The following SOAT1 variants were observed in gnomAD, a reference collection of about 807,000 sequenced individuals.
SOAT1 encodes acyl-coenzyme A:cholesterol acyltransferase 1.
In SOAT1, 55 loss-of-function variants were observed where a neutral mutation model predicts 69.5. The ratio of observed to expected loss-of-function variants is 0.79; its 90% CI spans 0.64 to 0.99. The LOEUF is 0.99. SOAT1 is among the 50% of genes least tolerant of loss of function. The pLI is 0.00. For synonymous variants in SOAT1, 231 were observed against 224.7 expected (o/e 1.03, Z -0.25); for missense variants, 580 against 669.3 (o/e 0.87, Z 1.47).
intron 2 of SOAT1, among the ~76,000 whole-genome samples, chr1:179,306,517 G>C (rs1318426021): frequency 6.6e-6 from 1 of 152,132 alleles, no homozygotes; most frequent in African/African-American, 2.4e-5. Flanking sequence ...TTGTTAATGA[G>C]GGTTCCAGAA....
intron 2 of SOAT1, among the ~76,000 whole-genome samples, chr1:179,321,596 G>A (rs1217260743): frequency 1.3e-5 from 2 of 152,154 alleles, no homozygotes; most frequent in African/African-American, 2.4e-5. Context: ...CATCTCTAGC[G>A]CAGCTGTGGT....
chr1:179,299,128 C>T (rs766263074), intron 1 of SOAT1, among the ~76,000 whole-genome samples: 3 of 151,978 alleles, frequency 2.0e-5, no homozygotes, highest in South Asian at 2.1e-4. Context: ...GTAGTGGGAC[C>T]GCAGAGAGGA....
Position 179,293,809 on chromosome 1 carries a change from C to G in SOAT1, c.-136C>G, listed in dbSNP as rs928249533. 3 of 152,454 alleles carry G rather than the reference C, an allele frequency of 2.0e-5. No individual in the cohort carries two copies. Among genetic ancestry groups the G allele is most frequent in the Non-Finnish European group, 2.9e-5 (2 of 68,214 alleles). 9.4% of individuals were successfully genotyped at this position (152,454 alleles called of 1,614,324 possible). On this transcript the variant is annotated 5_prime_UTR_variant, in exon 1 of 16. Transcript: ENST00000367619. ...CGGGCTGTCCGGCGCTTTAGCTTAGCAGGCGACGTTGCGGGCCCTGGGCGC... is the reference window on the plus strand; with the variant it reads ...CGGGCTGTCCGGCGCTTTAGCTTAGGAGGCGACGTTGCGGGCCCTGGGCGC...
At position 179,355,299 on chromosome 1, in the gene SOAT1, G is replaced by A. The variant is rs931568251; in HGVS notation, c.*1658G>A. The A allele has an allele frequency of 3.9e-5, 6 of 152,170 alleles. No homozygotes were observed. The highest frequency in any genetic ancestry group is 2.1e-4 in the South Asian group (1 of 4,818). 9.4% of individuals were successfully genotyped at this position (152,170 alleles called of 1,614,324 possible). A position where few individuals can be genotyped will look rare whatever the true frequency, so the allele number is the denominator to read the frequency against. On this transcript the variant is annotated 3_prime_UTR_variant, in exon 16 of 16. Coordinates refer to ENST00000367619, the MANE Select transcript of SOAT1 (RefSeq NM_003101.6). ...TTGACATTTTTCTTAAAATTAAAACGAATTTTTATTTTGAATTTATAACTG... is the reference window on the plus strand; with the variant it reads ...TTGACATTTTTCTTAAAATTAAAACAAATTTTTATTTTGAATTTATAACTG...
At chr1:179,322,376 TTTTTTTTC>T (rs925618250) in intron 2 of SOAT1, among the ~76,000 whole-genome samples, 17 of 151,770 alleles carry the variant, frequency 1.1e-4, no homozygotes, top group South Asian at 2.1e-4. Flanking sequence ...ACTATTCTCC[TTTTTTTTC>T]TTTTTTTCTT....
chr1:179,315,235 A>G (rs1367159984), intron 2 of SOAT1, among the ~76,000 whole-genome samples: 2 of 152,228 alleles, frequency 1.3e-5, no homozygotes, highest in African/African-American at 2.4e-5. Flanking sequence ...GCTGGAGGCC[A>G]GGAGTTCAAG....
chr1:179,346,084 T>A (rs1193278101), intron 11 of SOAT1, among the ~76,000 whole-genome samples: 1 of 152,176 alleles, frequency 6.6e-6, no homozygotes, highest in African/African-American at 2.4e-5. Context: ...ATGTTTTCTG[T>A]CATCACCTTC....
At chr1:179,305,630 A>G (rs1194487871) in intron 2 of SOAT1, among the ~76,000 whole-genome samples, 3 of 152,140 alleles carry the variant, frequency 2.0e-5, no homozygotes, top group African/African-American at 7.2e-5. Context: ...TGGTAAATGT[A>G]TGTTTAACTT....
At chr1:179,348,665 C>T (rs1268761727) in intron 12 of SOAT1, among the ~76,000 whole-genome samples, 179 bp from the exon 13 acceptor site, 1 of 152,088 alleles carries the variant, frequency 6.6e-6, no homozygotes, top group Non-Finnish European at 1.5e-5. Flanking sequence ...ATTTTTCTGT[C>T]ACCAGTGTAT....
rs368646369 is a variant in SOAT1, at chr1:179,300,242, GTCTT to G, written c.-8-2429_-8-2426del. Among the ~76,000 whole-genome samples, 21 of 151,288 alleles carry G rather than the reference GTCTT, an allele frequency of 1.4e-4. No individual in the cohort carries two copies. In the East Asian group the frequency reaches 2.1e-3, roughly 15 times the overall value. On this transcript the variant is annotated intron_variant, in intron 1 of 15. Transcript: ENST00000367619. ...ACTGAAACATCTTGGTTCCTTTTGT[GTCTT>G]TCTTTTTCTTCCCTGATTTCCTCTA...
chr1:179,326,229 C>T (rs1415452509), intron 3 of SOAT1, among the ~76,000 whole-genome samples: 3 of 152,212 alleles, frequency 2.0e-5, no homozygotes, highest in Non-Finnish European at 4.4e-5. Context: ...GTAGCTCTTT[C>T]TATCTGAAAT....
intron 5 of SOAT1, 78 bp from the exon 6 acceptor site, chr1:179,339,360 T>C (rs1558053881): frequency 8.5e-6 from 8 of 942,324 alleles, no homozygotes; most frequent in Non-Finnish European, 1.2e-5. Flanking sequence ...TTAAGTTAAC[T>C]GCTTTAAGAA....
At chr1:179,308,079 TGCGCCTGGCCTCATTAAG>T (rs1467903382) in intron 2 of SOAT1, among the ~76,000 whole-genome samples, 1 of 152,094 alleles carries the variant, frequency 6.6e-6, no homozygotes, top group Non-Finnish European at 1.5e-5. Flanking sequence ...CGTGAGCCAC[TGCGCCTGGCCTCATTAAG>T]GTATTATCTT....
intron 2 of SOAT1, among the ~76,000 whole-genome samples, chr1:179,321,186 A>C (rs1410026262): frequency 1.3e-5 from 2 of 152,036 alleles, no homozygotes; most frequent in Non-Finnish European, 2.9e-5. Context: ...GATTACACAC[A>C]TGAGCCACCA....
rs889948531 is a variant in SOAT1 at position 179,323,588 on chromosome 1, A to G, written c.177+93A>G. 3.0e-6 allele frequency: 3 copies of G among 1,004,502 alleles called. No individual in the cohort carries two copies. In the East Asian group the frequency reaches 7.6e-5, roughly 25 times the overall value. 62.2% of individuals were successfully genotyped at this position (1,004,502 alleles called of 1,614,324 possible). A position where few individuals can be genotyped will look rare whatever the true frequency, so the allele number is the denominator to read the frequency against. On this transcript the variant is annotated intron_variant, in intron 3 of 15. Coordinates refer to ENST00000367619, the MANE Select transcript of SOAT1 (RefSeq NM_003101.6). Reference sequence around the variant, plus strand: ...TTAATGCTAAATTGCTCAGATAATTATTTAAGCCATTCATCAGTTGCTGTT... The same window carrying G: ...TTAATGCTAAATTGCTCAGATAATTGTTTAAGCCATTCATCAGTTGCTGTT...
At chr1:179,319,240 A>G (rs1055090320) in intron 2 of SOAT1, among the ~76,000 whole-genome samples, 4 of 146,492 alleles carry the variant, frequency 2.7e-5, no homozygotes, top group African/African-American at 9.9e-5. Context: ...TTTTTTTTTA[A>G]AAGAAATATC....
rs754082285 is a variant in SOAT1 at position 179,347,739 on chromosome 1, A to AT, written c.1215+42_1215+43insT. 3 of 1,128,750 alleles carry AT rather than the reference A, an allele frequency of 2.7e-6. No homozygotes were observed. In the African/African-American group the frequency reaches 4.7e-5, roughly 18 times the overall value. 69.9% of individuals were successfully genotyped at this position (1,128,750 alleles called of 1,614,324 possible). A position where few individuals can be genotyped will look rare whatever the true frequency, so the allele number is the denominator to read the frequency against. On this transcript the variant is annotated intron_variant, in intron 12 of 15. Transcript: ENST00000367619. The stretch of plus-strand genomic sequence containing the variant: ...CTTAGCTTTCTTTTTACATTTTATT[A>AT]ACTTCTTCATTATTAGTATTTTGAC...
intron 2 of SOAT1, among the ~76,000 whole-genome samples, chr1:179,320,512 G>T (rs1416383550): frequency 6.6e-6 from 1 of 151,696 alleles, no homozygotes; most frequent in Non-Finnish European, 1.5e-5. Context: ...GGATCAGCTT[G>T]TCAATTTTTG....
intron 15 of SOAT1, 23 bp from the exon 16 acceptor site, chr1:179,353,562 A>T (rs370325824): frequency 6.2e-7 from 1 of 1,605,994 alleles, no homozygotes; most frequent in Non-Finnish European, 8.5e-7. Context: ...TTATTTTTCC[A>T]TTCTTATTTT....
Sources: allele counts gnomAD v4.1 joint callset (sites outside exome capture counted in the v4.1 genomes callset), GRCh38; gene constraint gnomAD v4.1.1; transcripts MANE v1.5; gene names NCBI Gene and HGNC (gene_info 2026-07-23, HGNC 2026-07-21).